JAZF1: variants seen among roughly 807,000 people sequenced by gnomAD.
JAZF1 encodes the protein JAZF zinc finger 1.
JAZF1 carries 8 observed loss-of-function variants against 26.4 expected under a neutral mutation model. The observed-to-expected ratio is 0.30, with a 90% CI of 0.18 to 0.55. The LOEUF is 0.55. Ranked by LOEUF, JAZF1 falls within the 20% of genes least tolerant of loss-of-function variation. The pLI is 0.94. For missense variants in JAZF1, 199 were observed against 322.0 expected, an observed-to-expected ratio of 0.62 and a Z score of 2.92; for synonymous variants, 126 against 122.3, an observed-to-expected ratio of 1.03 and a Z score of -0.20.
chr7:27,970,690 G>A (rs73683915), intron 2 of JAZF1, among the ~76,000 whole-genome samples: 3,811 of 152,232 alleles, frequency 0.025, 156 homozygotes, highest in African/African-American at 0.087. Flanking sequence ...TACTAACCCA[G>A]TGCCTAAGCT....
chr7:27,949,804 C>T (rs920018306), intron 2 of JAZF1, among the ~76,000 whole-genome samples: 1 of 152,156 alleles, frequency 6.6e-6, no homozygotes, highest in Non-Finnish European at 1.5e-5. Context: ...ATAAAATTAA[C>T]AGTCTGCCTC....
intron 2 of JAZF1, among the ~76,000 whole-genome samples, chr7:27,985,546 C>T (rs1785681996): frequency 6.6e-6 from 1 of 152,190 alleles, no homozygotes; most frequent in Non-Finnish European, 1.5e-5. Context: ...TGGTACCATT[C>T]CTTCTGAAAC....
chr7:28,045,290 G>A (rs1335904557), intron 1 of JAZF1, among the ~76,000 whole-genome samples: 1 of 152,108 alleles, frequency 6.6e-6, no homozygotes, highest in Non-Finnish European at 1.5e-5. Flanking sequence ...CAGTATCTGG[G>A]CTACTTTCTT....
At chr7:28,088,145 C>T (rs1316240988) in intron 1 of JAZF1, among the ~76,000 whole-genome samples, 1 of 152,200 alleles carries the variant, frequency 6.6e-6, no homozygotes, top group Non-Finnish European at 1.5e-5. Context: ...TTAACAGTCA[C>T]TCAGGGTTAA....
chr7:27,881,424 G>C (rs1346356083), intron 3 of JAZF1, among the ~76,000 whole-genome samples: 1 of 152,224 alleles, frequency 6.6e-6, no homozygotes, highest in Non-Finnish European at 1.5e-5. Context: ...CAGAAACCAA[G>C]TGGCTTTAAT....
chr7:27,969,973 T>C (rs1003497628), intron 2 of JAZF1, among the ~76,000 whole-genome samples: 10 of 152,154 alleles, frequency 6.6e-5, no homozygotes, highest in African/African-American at 2.4e-4. Flanking sequence ...GTCTGCCATT[T>C]ATTAGCTGTG....
At chr7:28,102,269 G>C (rs1337558242) in intron 1 of JAZF1, among the ~76,000 whole-genome samples, 1 of 152,222 alleles carries the variant, frequency 6.6e-6, no homozygotes, top group Non-Finnish European at 1.5e-5. Flanking sequence ...TTATCTCTTA[G>C]GGCATTTGCT....
In JAZF1 at chr7:27,945,481, T is replaced by C. The variant is rs115738232; in HGVS notation, c.188+46428A>G. 6.7e-3 allele frequency among the ~76,000 whole-genome samples: 1,014 copies of C among 152,292 alleles called. 17 individuals carry two copies. The highest frequency in any genetic ancestry group is 0.023 in the African/African-American group (963 of 41,556). ...TGTCCCTAAAATCAGATCTTTTCAGTTCTTCCTCCTCCCCTTCTCTCAAAG... is the reference window on the plus strand; with the variant it reads ...TGTCCCTAAAATCAGATCTTTTCAGCTCTTCCTCCTCCCCTTCTCTCAAAG... On this transcript the variant is annotated intron_variant, in intron 2 of 4. Coordinates refer to ENST00000283928, the MANE Select transcript of JAZF1 (RefSeq NM_175061.4).
chr7:27,983,494 G>A (rs930105211), intron 2 of JAZF1, among the ~76,000 whole-genome samples: 5 of 152,112 alleles, frequency 3.3e-5, no homozygotes, highest in African/African-American at 7.2e-5. Context: ...TGAAAATGAC[G>A]GGGAGAATAG....
intron 2 of JAZF1, among the ~76,000 whole-genome samples, chr7:27,950,536 G>A (rs1015624427): frequency 6.6e-6 from 1 of 152,144 alleles, no homozygotes; most frequent in Non-Finnish European, 1.5e-5. Flanking sequence ...CTAGGTAGGC[G>A]TACACTTTAC....
intron 1 of JAZF1, among the ~76,000 whole-genome samples, chr7:28,037,659 A>C (rs1783316627): frequency 6.6e-6 from 1 of 152,182 alleles, no homozygotes; most frequent in African/African-American, 2.4e-5. Flanking sequence ...TCTCCATTTT[A>C]TTAAAAACTG....
At chr7:28,139,116 T>C (rs907883426) in intron 1 of JAZF1, among the ~76,000 whole-genome samples, 1 of 152,184 alleles carries the variant, frequency 6.6e-6, no homozygotes, top group Non-Finnish European at 1.5e-5. Context: ...GTAGTGACCT[T>C]GGTTTAGATT....
In JAZF1 at chr7:28,123,923, C is replaced by T. The variant is rs1451817705; in HGVS notation, c.115+56540G>A. On this transcript the variant is annotated intron_variant, in intron 1 of 4. Transcript: ENST00000283928. Reference sequence around the variant, plus strand: ...ACAACCAAGAAACCCCATTTCCTGGCTCTTCTGTTGATGTTTCAGCTGTTT... The same window carrying T: ...ACAACCAAGAAACCCCATTTCCTGGTTCTTCTGTTGATGTTTCAGCTGTTT... 3.9e-5 allele frequency among the ~76,000 whole-genome samples: 6 copies of T among 152,192 alleles called. No individual in the cohort carries two copies. In the East Asian group the frequency reaches 9.6e-4, roughly 24 times the overall value.
At chr7:27,867,576 A>G (rs1271374086) in intron 3 of JAZF1, among the ~76,000 whole-genome samples, 10 of 152,250 alleles carry the variant, frequency 6.6e-5, no homozygotes, top group Admixed American at 6.5e-4. Flanking sequence ...TACATATTGC[A>G]TGTACCAGGC....
chr7:28,056,313 G>C (rs763309504), intron 1 of JAZF1, among the ~76,000 whole-genome samples: 1 of 152,036 alleles, frequency 6.6e-6, no homozygotes, highest in Admixed American at 6.6e-5. Flanking sequence ...CATGACAGGA[G>C]AGAACAGCCT....
intron 1 of JAZF1, among the ~76,000 whole-genome samples, chr7:28,030,517 G>A (rs1783171247): frequency 6.6e-6 from 1 of 152,146 alleles, no homozygotes. Flanking sequence ...GGATAACTCT[G>A]CATAAGTAAG....
intron 1 of JAZF1, among the ~76,000 whole-genome samples, chr7:28,094,474 T>C (rs1193975656): frequency 2.6e-5 from 4 of 152,190 alleles, no homozygotes; most frequent in Non-Finnish European, 5.9e-5. Context: ...ACGAAAAGCC[T>C]GGAGAGGCTT....
chr7:28,149,385 AT>A (rs530609661), intron 1 of JAZF1, among the ~76,000 whole-genome samples: 1 of 152,068 alleles, frequency 6.6e-6, no homozygotes, highest in Non-Finnish European at 1.5e-5. Context: ...CAGTTCACCT[AT>A]TTTTTTCCCT....
intron 2 of JAZF1, 73 bp downstream of exon 2, chr7:27,991,835 TA>T: frequency 1.2e-6 from 1 of 840,808 alleles, no homozygotes; most frequent in Non-Finnish European, 1.9e-6. Flanking sequence ...TCCACTCTGT[TA>T]AAAAAGATGT....
Sources: gnomAD v4.1 joint callset for allele counts (sites outside exome capture counted in the v4.1 genomes callset) on GRCh38, gnomAD v4.1.1 for gene constraint, MANE v1.5 for transcripts, NCBI Gene and HGNC (gene_info 2026-07-23, HGNC 2026-07-21) for gene names.